The following TANC2 variants were observed in gnomAD, a reference collection of about 807,000 sequenced individuals.
TANC2 encodes protein TANC2.
Under a neutral mutation model 210.5 loss-of-function variants are expected in TANC2, and 26 were observed. The observed-to-expected ratio is 0.12, with a 90% CI of 0.09 to 0.17. The LOEUF (loss-of-function observed/expected upper bound fraction) is 0.17. Among genes scored for constraint, TANC2 ranks in the 10% least tolerant of loss-of-function variants. The pLI is 1.00. For missense variants in TANC2, 2,129 were observed against 2,608.9 expected (o/e 0.82, Z 4.01); for synonymous variants, 931 against 967.1 (o/e 0.96, Z 0.69).
intron 9 of TANC2, among the ~76,000 whole-genome samples, chr17:63,290,877 T>TA (rs1158265528): frequency 6.6e-6 from 1 of 152,168 alleles, no homozygotes; most frequent in Non-Finnish European, 1.5e-5. Flanking sequence ...ATATTGTACT[T>TA]ACAATAATGA....
chr17:63,346,579 A>G (rs1024381978), intron 12 of TANC2, among the ~76,000 whole-genome samples: 1 of 152,148 alleles, frequency 6.6e-6, no homozygotes, highest in Non-Finnish European at 1.5e-5. Context: ...ACCACTTCAC[A>G]CCCATTAGAA....
At chr17:63,120,933 A>G (rs1441806107) in intron 4 of TANC2, 2 of 151,950 alleles carry the variant, frequency 1.3e-5, no homozygotes, top group Non-Finnish European at 2.9e-5. Context: ...GTGCTAGTGA[A>G]TAGAATATAA....
chr17:63,229,943 C>G (rs1046057731), intron 7 of TANC2, among the ~76,000 whole-genome samples: 1 of 151,638 alleles, frequency 6.6e-6, no homozygotes, highest in Non-Finnish European at 1.5e-5. Flanking sequence ...ACAGGTGTGT[C>G]CCACCATGCC....
At chr17:63,223,071 T>C (rs1245958601) in intron 7 of TANC2, among the ~76,000 whole-genome samples, 1 of 152,190 alleles carries the variant, frequency 6.6e-6, no homozygotes, top group East Asian at 1.9e-4. Context: ...AGTAGATATT[T>C]AGAATATGTA....
chr17:63,379,960 G>A (rs2047552392), intron 15 of TANC2, 134 bp downstream of exon 15: 14 of 660,202 alleles, frequency 2.1e-5, no homozygotes, highest in South Asian at 1.2e-4. Flanking sequence ...CTCCCAACAC[G>A]TATGGCCTGT....
chr17:63,244,889 A>T (rs1446849658), intron 8 of TANC2, among the ~76,000 whole-genome samples: 1 of 152,134 alleles, frequency 6.6e-6, no homozygotes, highest in Non-Finnish European at 1.5e-5. Context: ...TCATGGTTTT[A>T]TAAAGGGGAG....
chr17:63,021,661 A>G (rs2034353733), intron 2 of TANC2, among the ~76,000 whole-genome samples: 1 of 152,234 alleles, frequency 6.6e-6, no homozygotes, highest in African/African-American at 2.4e-5. Flanking sequence ...CAAAATTGGT[A>G]CTGAGAGAGT....
chr17:63,294,312 C>CA (rs1422838416), intron 9 of TANC2, among the ~76,000 whole-genome samples: 1 of 152,026 alleles, frequency 6.6e-6, no homozygotes, highest in Non-Finnish European at 1.5e-5. Flanking sequence ...CCTGTCTCTA[C>CA]AAAGAAATAC....
At chr17:63,002,503 C>A (rs1196907105) in intron 1 of TANC2, among the ~76,000 whole-genome samples, 2 of 152,160 alleles carry the variant, frequency 1.3e-5, no homozygotes, top group Non-Finnish European at 2.9e-5. Context: ...CTGCAGACAT[C>A]TATATGCTTT....
At chr17:63,010,198 C>T (rs1186826726) in intron 2 of TANC2, among the ~76,000 whole-genome samples, 1 of 151,986 alleles carries the variant, frequency 6.6e-6, no homozygotes, top group Non-Finnish European at 1.5e-5. Flanking sequence ...TTGTATTCTT[C>T]GTAATCTTCT....
chr17:62,987,911 C>CTTTT (rs1568297859), intron 1 of TANC2, among the ~76,000 whole-genome samples: 1 of 151,776 alleles, frequency 6.6e-6, no homozygotes, highest in Non-Finnish European at 1.5e-5. Context: ...TTTTGTTTGC[C>CTTTT]GTAGACTTAA....
At chr17:63,256,264 C>T (rs2043192869) in intron 8 of TANC2, among the ~76,000 whole-genome samples, 5 of 152,140 alleles carry the variant, frequency 3.3e-5, no homozygotes, top group Admixed American at 3.3e-4. Flanking sequence ...ATACTGCTTT[C>T]ACTGTATCCT....
At chr17:63,357,805 ACT>A (rs2046822462) in intron 14 of TANC2, among the ~76,000 whole-genome samples, 2 of 152,026 alleles carry the variant, frequency 1.3e-5, no homozygotes, top group Non-Finnish European at 2.9e-5. Context: ...GATTAGCAGG[ACT>A]CTCTCCAGGC....
At chr17:63,211,299 C>G (rs1027053084) in intron 7 of TANC2, among the ~76,000 whole-genome samples, 2 of 152,056 alleles carry the variant, frequency 1.3e-5, no homozygotes, top group Non-Finnish European at 2.9e-5. Context: ...TTTTGTAGAT[C>G]GATAGGCTTC....
rs555085284 is a variant in TANC2 at position 63,164,584 on chromosome 17, A to G, written c.433+13204A>G. Reference sequence around the variant, plus strand: ...TTATGAGGGATTGTCTCAGGCAATTATGAAGGCCATAAAGTTCCAAGAACT... The same window carrying G: ...TTATGAGGGATTGTCTCAGGCAATTGTGAAGGCCATAAAGTTCCAAGAACT... On this transcript the variant is annotated intron_variant, in intron 5 of 27. Coordinates refer to ENST00000689528, the Ensembl canonical transcript of TANC2. 2.0e-5 allele frequency among the ~76,000 whole-genome samples: 3 copies of G among 152,276 alleles called. No individual in the cohort carries two copies. In the South Asian group the frequency reaches 6.2e-4, roughly 32 times the overall value.
chr17:63,202,160 T>G (rs2041555684), intron 7 of TANC2, among the ~76,000 whole-genome samples: 1 of 152,154 alleles, frequency 6.6e-6, no homozygotes, highest in African/African-American at 2.4e-5. Context: ...TTGAACATTA[T>G]TCTATACCAT....
rs1255783415 is a variant in TANC2, at chr17:63,281,547, A to G, written c.1159+13674A>G. Among the ~76,000 whole-genome samples the G allele has an allele frequency of 3.4e-5, 5 of 147,510 alleles. No homozygotes were observed. The East Asian group carries it at 5.8e-4, about 17-fold the overall frequency. On this transcript the variant is annotated intron_variant, in intron 9 of 27. Coordinates refer to ENST00000689528, the Ensembl canonical transcript of TANC2. ...TTTGAATCCGGCTAAGTTAACTTGA[A>G]CAAAAATCAGCATACTTGAACAAAA...
intron 8 of TANC2, among the ~76,000 whole-genome samples, chr17:63,242,030 C>G (rs1003457944): frequency 1.3e-5 from 2 of 152,138 alleles, no homozygotes; most frequent in African/African-American, 2.4e-5. Context: ...GTCTAGAGCC[C>G]TCATTTCCAA....
intron 2 of TANC2, among the ~76,000 whole-genome samples, chr17:63,071,220 A>T (rs887003356): frequency 3.9e-5 from 6 of 152,158 alleles, no homozygotes; most frequent in Admixed American, 6.5e-5. Context: ...TAGATGCATG[A>T]TAGGGACTTT....
Sources: allele counts gnomAD v4.1 joint callset (sites outside exome capture counted in the v4.1 genomes callset), GRCh38; gene constraint gnomAD v4.1.1; transcripts MANE v1.5; gene names NCBI Gene and HGNC (gene_info 2026-07-23, HGNC 2026-07-21).